The following RBMS3 variants were observed in gnomAD, a reference collection of about 807,000 sequenced individuals.
The protein encoded by RBMS3 is RNA-binding motif, single-stranded-interacting protein 3.
Under a neutral mutation model 66.8 loss-of-function variants are expected in RBMS3, and 27 were observed. That is an observed-to-expected ratio of 0.40 (90% confidence interval 0.30 to 0.56). The LOEUF (loss-of-function observed/expected upper bound fraction) is 0.56. Ranked by LOEUF, RBMS3 falls within the 20% of genes least tolerant of loss-of-function variation. RBMS3 has a pLI of 0.40. For missense variants in RBMS3, 513 were observed against 549.5 expected (o/e 0.93, Z 0.66); for synonymous variants, 188 against 183.0 (o/e 1.03, Z -0.22).
intron 4 of RBMS3, among the ~76,000 whole-genome samples, chr3:29,620,329 G>A (rs996502849): frequency 4.6e-5 from 7 of 152,064 alleles, no homozygotes; most frequent in Admixed American, 4.6e-4. Context: ...CATATTCTAT[G>A]TAATTGGCTA....
intron 1 of RBMS3, among the ~76,000 whole-genome samples, chr3:29,328,542 TG>T (rs1374248124): frequency 1.3e-5 from 2 of 152,204 alleles, no homozygotes; most frequent in Non-Finnish European, 2.9e-5. Flanking sequence ...ATAAGAACTT[TG>T]GAATATGTCC....
chr3:29,488,388 G>A (rs2043401429), intron 2 of RBMS3, 53 bp from the exon 3 acceptor site: 14 of 1,470,784 alleles, frequency 9.5e-6, no homozygotes, highest in Non-Finnish European at 1.2e-5. Context: ...AGTGTTTTAA[G>A]TGTCTTCAAT....
At chr3:29,585,727 G>A (rs948828769) in intron 3 of RBMS3, among the ~76,000 whole-genome samples, 3 of 151,916 alleles carry the variant, frequency 2.0e-5, no homozygotes, top group Admixed American at 2.0e-4. Flanking sequence ...ATCTTACTGG[G>A]TAGTAATACT....
chr3:29,691,879 A>C (rs1302141117), intron 4 of RBMS3, among the ~76,000 whole-genome samples: 1 of 150,852 alleles, frequency 6.6e-6, no homozygotes, highest in African/African-American at 2.4e-5. Flanking sequence ...TTCAAATCTA[A>C]CACTGGTAGC....
At chr3:29,622,026 A>G (rs2048884670) in intron 4 of RBMS3, among the ~76,000 whole-genome samples, 1 of 152,214 alleles carries the variant, frequency 6.6e-6, no homozygotes, top group Admixed American at 6.5e-5. Context: ...CTTCATTTAT[A>G]AGACCATAGT....
intron 4 of RBMS3, among the ~76,000 whole-genome samples, chr3:29,639,582 T>C (rs995995197): frequency 7.0e-5 from 9 of 128,750 alleles, no homozygotes; most frequent in Non-Finnish European, 1.5e-4. Flanking sequence ...AGATGATAGA[T>C]AGAAGATAGA....
At chr3:29,495,822 TTTACCTATGGA>T (rs910136640) in intron 3 of RBMS3, among the ~76,000 whole-genome samples, 2 of 152,250 alleles carry the variant, frequency 1.3e-5, no homozygotes, top group Non-Finnish European at 1.5e-5. Context: ...TGAGGTATCC[TTTACCTATGGA>T]TTAGTTTTAA....
chr3:29,799,262 A>C (rs2057313933), intron 6 of RBMS3, among the ~76,000 whole-genome samples: 1 of 152,322 alleles, frequency 6.6e-6, no homozygotes, highest in Admixed American at 6.5e-5. Context: ...AAATCATCAA[A>C]GTTTCCAAAC....
At chr3:29,605,775 G>C (rs1330309859) in intron 4 of RBMS3, among the ~76,000 whole-genome samples, 1 of 151,740 alleles carries the variant, frequency 6.6e-6, no homozygotes, top group South Asian at 2.1e-4. Flanking sequence ...GGTGGATTTA[G>C]TATACCATGT....
intron 1 of RBMS3, among the ~76,000 whole-genome samples, chr3:29,414,444 A>C (rs956273295): frequency 1.3e-5 from 2 of 152,222 alleles, no homozygotes; most frequent in African/African-American, 2.4e-5. Context: ...ACAAAGGCAC[A>C]ACATTCTTCT....
intron 1 of RBMS3, among the ~76,000 whole-genome samples, chr3:29,314,986 A>G (rs188921128): frequency 4.6e-5 from 7 of 151,770 alleles, no homozygotes; most frequent in Admixed American, 4.6e-4. Flanking sequence ...GACTGTGGCC[A>G]TAAATATAGA....
chr3:30,002,318 G>C (rs1577364679), intron 14 of RBMS3, among the ~76,000 whole-genome samples: 1 of 151,822 alleles, frequency 6.6e-6, no homozygotes, highest in Admixed American at 6.6e-5. Flanking sequence ...GGTGTTTTAG[G>C]CATTTTTGGT....
chr3:29,883,347 C>A (rs1559766077), intron 7 of RBMS3, among the ~76,000 whole-genome samples: 1 of 152,048 alleles, frequency 6.6e-6, no homozygotes, highest in Non-Finnish European at 1.5e-5. Context: ...GTCACTTGAC[C>A]TTTCCAAGCT....
At chr3:29,626,818 A>G (rs886486317) in intron 4 of RBMS3, among the ~76,000 whole-genome samples, 7 of 152,178 alleles carry the variant, frequency 4.6e-5, no homozygotes, top group Non-Finnish European at 1.0e-4. Flanking sequence ...TCTCAGATTC[A>G]TTACCAACTA....
intron 12 of RBMS3, among the ~76,000 whole-genome samples, chr3:29,977,551 G>A (rs184078545): frequency 1.6e-4 from 24 of 152,050 alleles, no homozygotes; most frequent in African/African-American, 2.9e-4. Context: ...ACACAACACC[G>A]TGGTGATGCA....
At chr3:29,693,449 T>C (rs754177503) in intron 4 of RBMS3, among the ~76,000 whole-genome samples, 20 of 152,258 alleles carry the variant, frequency 1.3e-4, no homozygotes, top group Middle Eastern at 3.4e-3. Context: ...CAAATATATA[T>C]CTTATAAACA....
In RBMS3 at chr3:29,300,098, C is replaced by A. The variant is rs147121662; in HGVS notation, c.75+18342C>A. ...TCACTAATAATCAAAGAAATAATAA[C>A]CACGAGGGAGATACTATTTTTGCCT... On this transcript the variant is annotated intron_variant, in intron 1 of 14. Transcript: ENST00000383767. Among the ~76,000 whole-genome samples the A allele has an allele frequency of 4.5e-3, 687 of 151,952 alleles. 5 individuals are homozygous for A. The highest frequency in any genetic ancestry group is 0.016 in the African/African-American group (664 of 41,508).
chr3:29,462,687 GA>G (rs2042410177), intron 2 of RBMS3, among the ~76,000 whole-genome samples: 2 of 152,198 alleles, frequency 1.3e-5, no homozygotes, highest in South Asian at 4.2e-4. Context: ...AGCTATATTT[GA>G]TGTATGACAA....
chr3:29,631,564 G>A (rs1375297230), intron 4 of RBMS3, among the ~76,000 whole-genome samples: 1 of 151,824 alleles, frequency 6.6e-6, no homozygotes, highest in Admixed American at 6.6e-5. Context: ...AGTAAGACAT[G>A]TTGACACACC....
Sources: gnomAD v4.1 joint callset for allele counts (sites outside exome capture counted in the v4.1 genomes callset) on GRCh38, gnomAD v4.1.1 for gene constraint, MANE v1.5 for transcripts, NCBI Gene and HGNC (gene_info 2026-07-23, HGNC 2026-07-21) for gene names.